The following ERP44 variants were observed in gnomAD, a reference collection of about 807,000 sequenced individuals.
ERP44 encodes endoplasmic reticulum resident protein 44.
A neutral mutation model predicts 53.4 loss-of-function variants in ERP44; 25 were observed. The observed-to-expected ratio is 0.47, with a 90% CI of 0.34 to 0.65. ERP44 has a LOEUF of 0.65. ERP44 is among the 30% of genes least tolerant of loss of function. ERP44 has a pLI of 0.01. For missense variants in ERP44, 338 were observed against 493.2 expected, an observed-to-expected ratio of 0.69 and a Z score of 2.98; for synonymous variants, 145 against 161.2, an observed-to-expected ratio of 0.90 and a Z score of 0.76.
At chr9:100,044,055 G>A (rs937295219) in intron 4 of ERP44, among the ~76,000 whole-genome samples, 6 of 152,114 alleles carry the variant, frequency 3.9e-5, no homozygotes, top group African/African-American at 1.4e-4. Context: ...GCTTTGTGTT[G>A]TAGTTCATTT....
chr9:100,090,451 CA>C (rs1826539970), intron 1 of ERP44, among the ~76,000 whole-genome samples: 1 of 152,100 alleles, frequency 6.6e-6, no homozygotes, highest in African/African-American at 2.4e-5. Context: ...TTTAAAACTT[CA>C]AATACAACAA....
chr9:100,081,220 A>T (rs1826419076), intron 1 of ERP44, among the ~76,000 whole-genome samples: 2 of 152,094 alleles, frequency 1.3e-5, no homozygotes, highest in South Asian at 4.1e-4. Flanking sequence ...GTTGGAAATT[A>T]AAAAATAAAT....
At chr9:100,098,724 T>G in intron 1 of ERP44, 60 bp downstream of exon 1, 1 of 1,417,444 alleles carries the variant, frequency 7.1e-7, no homozygotes, top group Non-Finnish European at 1.0e-6. Context: ...GTGTTCCCCC[T>G]GGGCGAGGGC....
intron 1 of ERP44, among the ~76,000 whole-genome samples, chr9:100,087,842 T>C (rs1036152166): frequency 1.3e-5 from 2 of 152,130 alleles, no homozygotes; most frequent in Non-Finnish European, 2.9e-5. Flanking sequence ...CATACGCATA[T>C]GCACAGAATA....
chr9:100,028,342 G>A (rs1471378130), intron 4 of ERP44, among the ~76,000 whole-genome samples: 2 of 152,138 alleles, frequency 1.3e-5, no homozygotes, highest in African/African-American at 4.8e-5. Flanking sequence ...GCTGACTGAT[G>A]GGACTTTCTA....
At chr9:100,070,471 G>A (rs1826288204) in intron 1 of ERP44, among the ~76,000 whole-genome samples, 1 of 152,028 alleles carries the variant, frequency 6.6e-6, no homozygotes, top group Non-Finnish European at 1.5e-5. Flanking sequence ...ATAACTGCTG[G>A]GCATTAAACC....
At chr9:100,087,372 C>CA (rs761098486) in intron 1 of ERP44, among the ~76,000 whole-genome samples, 3 of 152,156 alleles carry the variant, frequency 2.0e-5, no homozygotes, top group Non-Finnish European at 4.4e-5. Context: ...GGAAGCTGGT[C>CA]AAGTGAACTC....
At chr9:100,029,167 A>G (rs1384434270) in intron 4 of ERP44, among the ~76,000 whole-genome samples, 3 of 152,242 alleles carry the variant, frequency 2.0e-5, no homozygotes, top group Admixed American at 1.3e-4. Flanking sequence ...GCAAAAAAAA[A>G]AGCAAAAATA....
In ERP44 at chr9:99,979,760, C is replaced by T. The variant is rs1271886637; in HGVS notation, c.*2852G>A. 5.1e-6 allele frequency: 2 copies of T among 390,234 alleles called. No individual in the cohort carries two copies. The highest frequency in any genetic ancestry group is 2.1e-5 in the African/African-American group (1 of 48,460). The allele number at this position is 390,234 out of a possible 1,614,324, so 24.2% of individuals were successfully genotyped here. ...GAGGCCCCGAGTAGATCAGATAAAC[C>T]GGGGAAGACTTCTACCTGAAATGGT... On this transcript the variant is annotated 3_prime_UTR_variant, in exon 12 of 12. Transcript: ENST00000262455.
Position 100,098,980 on chromosome 9 carries a change from C to G in ERP44, c.-140G>C. On this transcript the variant is annotated 5_prime_UTR_variant, in exon 1 of 12. Coordinates refer to ENST00000262455, the MANE Select transcript of ERP44 (RefSeq NM_015051.3). The stretch of plus-strand genomic sequence containing the variant: ...GGCAGCGGCACCTCGTCCTCTCGAC[C>G]CGGGCTCCAGCGGCGAACACCCGGG... 1 of 662,380 alleles carries G rather than the reference C, an allele frequency of 1.5e-6. No homozygotes were observed. The highest frequency in any genetic ancestry group is 1.8e-5 in the South Asian group (1 of 57,132). 41.0% of individuals were successfully genotyped at this position (662,380 alleles called of 1,614,324 possible). A position where few individuals can be genotyped will look rare whatever the true frequency, so the allele number is the denominator to read the frequency against.
intron 1 of ERP44, among the ~76,000 whole-genome samples, chr9:100,061,842 C>G (rs1447885934): frequency 6.6e-6 from 1 of 152,080 alleles, no homozygotes; most frequent in East Asian, 1.9e-4. Context: ...CTAGAAAGAT[C>G]AGACTTCCCT....
At chr9:100,083,537 A>C (rs1323368783) in intron 1 of ERP44, among the ~76,000 whole-genome samples, 1 of 152,226 alleles carries the variant, frequency 6.6e-6, no homozygotes, top group African/African-American at 2.4e-5. Flanking sequence ...CTGAGAACTG[A>C]AAGGGAAGAC....
intron 4 of ERP44, among the ~76,000 whole-genome samples, chr9:100,051,264 A>C (rs1014035444): frequency 6.6e-6 from 1 of 152,246 alleles, no homozygotes. Flanking sequence ...AGAGCAAATG[A>C]AGGCATTTGG....
chr9:99,983,401 C>T (rs909070647), intron 11 of ERP44, among the ~76,000 whole-genome samples: 14 of 151,514 alleles, frequency 9.2e-5, no homozygotes, highest in South Asian at 2.1e-4. Context: ...AAAAATTAGC[C>T]GGGCGCGGTG....
At chr9:99,984,910 G>T in intron 11 of ERP44, 57 bp downstream of exon 11, 1 of 1,086,688 alleles carries the variant, frequency 9.2e-7, no homozygotes, top group African/African-American at 1.6e-5. Flanking sequence ...CCCTCTTTGA[G>T]GCTAACTGAA....
chr9:99,993,108 A>C lies in ERP44; in HGVS notation c.1017-8039T>G, dbSNP rs1417990950. Among the ~76,000 whole-genome samples, 8 of 152,318 alleles carry C rather than the reference A, an allele frequency of 5.3e-5. No individual in the cohort carries two copies. In the East Asian group the frequency reaches 1.2e-3, roughly 22 times the overall value. ...ACTGCCCAAGGTAATTTATAGATTCAATGCCATCCCCATCAAGCTACCAGT... is the reference window on the plus strand; with the variant it reads ...ACTGCCCAAGGTAATTTATAGATTCCATGCCATCCCCATCAAGCTACCAGT... On this transcript the variant is annotated intron_variant, in intron 10 of 11. Coordinates refer to ENST00000262455, the MANE Select transcript of ERP44 (RefSeq NM_015051.3).
At chr9:100,085,563 A>T (rs752108975) in intron 1 of ERP44, among the ~76,000 whole-genome samples, 1 of 152,232 alleles carries the variant, frequency 6.6e-6, no homozygotes, top group Non-Finnish European at 1.5e-5. Context: ...TACGTAAGTT[A>T]AGGTTACAGG....
At position 99,981,543 on chromosome 9, in the gene ERP44, T is replaced by C. The variant is rs1027755255; in HGVS notation, c.*1069A>G. On this transcript the variant is annotated 3_prime_UTR_variant, in exon 12 of 12. Transcript: ENST00000262455. ...TCCTCTGGCACTGGGCTTCCTGATA[T>C]GACACTGAGGGTCCTCTCCCTCTGG... The C allele has an allele frequency of 1.3e-5, 2 of 152,664 alleles. No individual in the cohort carries two copies. The highest frequency in any genetic ancestry group is 2.9e-5 in the Non-Finnish European group (2 of 68,056). 9.5% of individuals were successfully genotyped at this position (152,664 alleles called of 1,614,324 possible). A position where few individuals can be genotyped will look rare whatever the true frequency, so the allele number is the denominator to read the frequency against.
chr9:100,039,324 T>C (rs1449009877), intron 4 of ERP44, among the ~76,000 whole-genome samples: 1 of 152,104 alleles, frequency 6.6e-6, no homozygotes, highest in African/African-American at 2.4e-5. Context: ...AAAATTGAAA[T>C]TATCTCAAGC....
Sources: allele counts gnomAD v4.1 joint callset (sites outside exome capture counted in the v4.1 genomes callset), GRCh38; gene constraint gnomAD v4.1.1; transcripts MANE v1.5; gene names NCBI Gene and HGNC (gene_info 2026-07-23, HGNC 2026-07-21).